Variants in TMEM132B observed in about 807,000 individuals in gnomAD.
The protein encoded by TMEM132B is transmembrane protein 132B.
A neutral mutation model predicts 90.8 loss-of-function variants in TMEM132B; 18 were observed. The ratio of observed to expected loss-of-function variants is 0.20; its 90% confidence interval spans 0.14 to 0.29. The LOEUF (loss-of-function observed/expected upper bound fraction) is 0.29. TMEM132B is among the 10% of genes least tolerant of loss of function. The pLI, the probability that TMEM132B is intolerant of heterozygous loss-of-function variation, is 1.00. For missense variants in TMEM132B, 1,096 were observed against 1,326.8 expected (o/e 0.83, Z 2.70); for synonymous variants, 504 against 523.3 (o/e 0.96, Z 0.50).
chr12:125,371,274 A>C (rs1878284798), intron 2 of TMEM132B, among the ~76,000 whole-genome samples: 1 of 152,176 alleles, frequency 6.6e-6, no homozygotes, highest in South Asian at 2.1e-4. Context: ...CTCTGACTCA[A>C]ATGTTAATCT....
chr12:125,559,473 C>T (rs1386067474), intron 4 of TMEM132B, among the ~76,000 whole-genome samples: 2 of 152,300 alleles, frequency 1.3e-5, no homozygotes, highest in East Asian at 3.9e-4. Flanking sequence ...AGAAAAATAT[C>T]CCAGGAGAAA....
chr12:125,332,865 C>A (rs7974490), intron 1 of TMEM132B, among the ~76,000 whole-genome samples: 79,784 of 151,854 alleles, frequency 0.53, 22,712 homozygotes, highest in African/African-American at 0.75. Flanking sequence ...AACAAAAAAC[C>A]AAAAACAAGA....
chr12:125,288,896 A>G (rs7974141), intron 1 of TMEM132B, among the ~76,000 whole-genome samples: 20,748 of 151,942 alleles, frequency 0.14, 1,588 homozygotes, highest in African/African-American at 0.2. Flanking sequence ...TTGTAAATTT[A>G]CCCCAGGCTG....
chr12:125,615,740 C>T (rs1885971071), intron 5 of TMEM132B, among the ~76,000 whole-genome samples: 1 of 152,196 alleles, frequency 6.6e-6, no homozygotes, highest in South Asian at 2.1e-4. Flanking sequence ...CATCTGTGCT[C>T]TCTCATAGGC....
At chr12:125,544,244 G>A (rs1315091127) in intron 4 of TMEM132B, among the ~76,000 whole-genome samples, 1 of 152,062 alleles carries the variant, frequency 6.6e-6, no homozygotes, top group Non-Finnish European at 1.5e-5. Context: ...TGCATGCCAG[G>A]CTTAAGGTGA....
Position 125,436,072 on chromosome 12 carries a change from G to A in TMEM132B, c.1106+20395G>A, listed in dbSNP as rs146021886. Among the ~76,000 whole-genome samples the A allele has an allele frequency of 1.2e-4, 19 of 152,228 alleles. No individual in the cohort carries two copies. The East Asian group carries it at 1.5e-3, about 12-fold the overall frequency. ...TTCCGAGGCAAAGCATCTGGTGGGCGTTGCGGTCTTTGCCTCTTTCCATCT... is the reference window on the plus strand; with the variant it reads ...TTCCGAGGCAAAGCATCTGGTGGGCATTGCGGTCTTTGCCTCTTTCCATCT... On this transcript the variant is annotated intron_variant, in intron 3 of 8. Transcript: ENST00000682704.
chr12:125,555,465 G>A (rs2136774804), intron 4 of TMEM132B, among the ~76,000 whole-genome samples: 1 of 150,112 alleles, frequency 6.7e-6, no homozygotes, highest in Non-Finnish European at 1.5e-5. Context: ...TTCCTTTCAG[G>A]TTTAGAGAAA....
intron 4 of TMEM132B, among the ~76,000 whole-genome samples, chr12:125,567,252 C>T (rs1247037626): frequency 4.6e-5 from 7 of 152,240 alleles, no homozygotes; most frequent in Admixed American, 4.6e-4. Flanking sequence ...CTCAATTTGT[C>T]TCACCCCACC....
At chr12:125,463,861 G>A (rs935745191) in intron 3 of TMEM132B, among the ~76,000 whole-genome samples, 2 of 152,198 alleles carry the variant, frequency 1.3e-5, no homozygotes, top group Non-Finnish European at 2.9e-5. Flanking sequence ...CTGCATGGCT[G>A]GAGAGGCCTC....
chr12:125,269,227 G>A (rs1351900072), intron 1 of TMEM132B, among the ~76,000 whole-genome samples: 1 of 152,146 alleles, frequency 6.6e-6, no homozygotes, highest in African/African-American at 2.4e-5. Flanking sequence ...CCAGTGACTC[G>A]GGCCAGGTGC....
chr12:125,656,838 G>A lies in TMEM132B; in HGVS notation c.*2128G>A, dbSNP rs772139081. 5 of 152,176 alleles carry A rather than the reference G, an allele frequency of 3.3e-5. No individual in the cohort carries two copies. Among genetic ancestry groups the A allele is most frequent in the Admixed American group, 6.5e-5 (1 of 15,278 alleles). 9.4% of individuals were successfully genotyped at this position (152,176 alleles called of 1,614,324 possible). A position where few individuals can be genotyped will look rare whatever the true frequency, so the allele number is the denominator to read the frequency against. On this transcript the variant is annotated 3_prime_UTR_variant, in exon 9 of 9. Transcript: ENST00000682704. ...AGGCTTTTCAATCGTCTCTCCCTTT[G>A]GATCTCTGGCATTCCAGAAAGACTG... is the stretch of plus-strand genomic sequence containing the variant.
intron 4 of TMEM132B, 91 bp downstream of exon 4, chr12:125,519,716 G>A: frequency 3.0e-6 from 4 of 1,315,378 alleles, no homozygotes; most frequent in South Asian, 1.3e-5. Flanking sequence ...CCACATACCT[G>A]ATACACTGTT....
chr12:125,373,655 G>C (rs1233919160), intron 2 of TMEM132B, among the ~76,000 whole-genome samples: 1 of 152,142 alleles, frequency 6.6e-6, no homozygotes, highest in Non-Finnish European at 1.5e-5. Context: ...GCAATGGAAA[G>C]TAATAAAGAG....
intron 1 of TMEM132B, among the ~76,000 whole-genome samples, chr12:125,214,003 C>T (rs1259905481): frequency 6.6e-6 from 1 of 152,176 alleles, no homozygotes; most frequent in African/African-American, 2.4e-5. Flanking sequence ...CAATAGTACC[C>T]CTTCGTCAGT....
At chr12:125,285,790 T>A (rs1283479067) in intron 1 of TMEM132B, among the ~76,000 whole-genome samples, 1 of 152,178 alleles carries the variant, frequency 6.6e-6, no homozygotes, top group Admixed American at 6.5e-5. Context: ...GCCTGGGGCG[T>A]CGCCAAGTGG....
At chr12:125,455,434 C>T (rs1395291359) in intron 3 of TMEM132B, among the ~76,000 whole-genome samples, 3 of 152,064 alleles carry the variant, frequency 2.0e-5, no homozygotes, top group Admixed American at 6.5e-5. Context: ...CCCAGGAAGG[C>T]ACAGAGGACT....
chr12:125,424,864 G>T (rs1346812369), intron 3 of TMEM132B, among the ~76,000 whole-genome samples: 1 of 152,180 alleles, frequency 6.6e-6, no homozygotes, highest in Non-Finnish European at 1.5e-5. Context: ...GAGGGTGAAT[G>T]AGGGGTAGGC....
chr12:125,249,211 G>A (rs923101430), intron 1 of TMEM132B, among the ~76,000 whole-genome samples: 16 of 152,324 alleles, frequency 1.1e-4, no homozygotes, highest in Admixed American at 9.1e-4. Flanking sequence ...CCTTGAGTGA[G>A]CATAAGATCA....
chr12:125,453,263 C>A (rs1406784154), intron 3 of TMEM132B, among the ~76,000 whole-genome samples: 1 of 152,068 alleles, frequency 6.6e-6, no homozygotes, highest in Non-Finnish European at 1.5e-5. Flanking sequence ...CTTTTTCCAT[C>A]ATATCTCTTC....
Sources: allele counts gnomAD v4.1 joint callset (sites outside exome capture counted in the v4.1 genomes callset), GRCh38; gene constraint gnomAD v4.1.1; transcripts MANE v1.5; gene names NCBI Gene and HGNC (gene_info 2026-07-23, HGNC 2026-07-21).